AFF3: variants seen among roughly 807,000 people sequenced by gnomAD.
AFF3 encodes ALF transcription elongation factor 3.
Under a neutral mutation model 129.7 loss-of-function variants are expected in AFF3, and 32 were observed. The ratio of observed to expected loss-of-function variants is 0.25; its 90% confidence interval spans 0.19 to 0.33. The LOEUF (loss-of-function observed/expected upper bound fraction) is 0.33. AFF3 is among the 10% of genes least tolerant of loss of function. The pLI is 1.00. For synonymous variants in AFF3, 644 were observed against 635.4 expected (o/e 1.01, Z -0.20); for missense variants, 1,373 against 1,592.0 (o/e 0.86, Z 2.34).
At chr2:99,654,599 C>A (rs1314722825) in intron 12 of AFF3, among the ~76,000 whole-genome samples, 1 of 152,220 alleles carries the variant, frequency 6.6e-6, no homozygotes, top group Non-Finnish European at 1.5e-5. Flanking sequence ...ATATTTTTCT[C>A]TTCCTAAATC....
intron 13 of AFF3, among the ~76,000 whole-genome samples, chr2:99,647,340 G>A (rs554707256): frequency 5.3e-5 from 8 of 152,272 alleles, no homozygotes; most frequent in African/African-American, 1.7e-4. Context: ...ACAAGATCAC[G>A]TCCTTTGCAG....
chr2:100,111,996 A>C (rs1573451845), intron 2 of AFF3, among the ~76,000 whole-genome samples: 1 of 152,292 alleles, frequency 6.6e-6, no homozygotes, highest in African/African-American at 2.4e-5. Flanking sequence ...TCTTCCTTAT[A>C]TTTATGGATC....
rs544773664 is a variant in AFF3 at position 99,979,075 on chromosome 2, G to A, written c.873+27557C>T. Reference sequence around the variant, plus strand: ...CAATAGAATAGTCTGTTGAAGATCTGGAAGTATATAAATAGGGCATATTGT... The same window carrying A: ...CAATAGAATAGTCTGTTGAAGATCTAGAAGTATATAAATAGGGCATATTGT... On this transcript the variant is annotated intron_variant, in intron 7 of 24. Transcript: ENST00000672756. Among the ~76,000 whole-genome samples the A allele has an allele frequency of 5.4e-3, 718 of 132,076 alleles. 4 individuals are homozygous for A. Among genetic ancestry groups the A allele is most frequent in the Middle Eastern group, 0.011 (3 of 278 alleles). The allele number at this position is 132,076 out of a possible 152,430, so 86.6% of individuals were successfully genotyped here. A position where few individuals can be genotyped will look rare whatever the true frequency, so the allele number is the denominator to read the frequency against.
chr2:99,652,137 G>C (rs1685317189), intron 12 of AFF3, among the ~76,000 whole-genome samples: 1 of 152,146 alleles, frequency 6.6e-6, no homozygotes. Flanking sequence ...AATCAGTCAG[G>C]AAAGCCTTCC....
chr2:100,080,533 A>T (rs369147251), intron 4 of AFF3, among the ~76,000 whole-genome samples: 17 of 152,268 alleles, frequency 1.1e-4, no homozygotes, highest in African/African-American at 4.1e-4. Context: ...CAAGAGGCAA[A>T]ATGAAACCTA....
At chr2:99,845,295 G>A (rs894398553) in intron 7 of AFF3, among the ~76,000 whole-genome samples, 3 of 152,150 alleles carry the variant, frequency 2.0e-5, no homozygotes, top group Non-Finnish European at 2.9e-5. Flanking sequence ...CTAGGACAAG[G>A]TATTTCAATT....
chr2:99,597,768 G>A (rs1035583443), intron 14 of AFF3, among the ~76,000 whole-genome samples: 1 of 152,254 alleles, frequency 6.6e-6, no homozygotes, highest in African/African-American at 2.4e-5. Context: ...CGCCTCCTGA[G>A]CCGTCCATCC....
intron 11 of AFF3, among the ~76,000 whole-genome samples, chr2:99,699,045 C>G (rs1676579034): frequency 6.6e-6 from 1 of 152,184 alleles, no homozygotes; most frequent in South Asian, 2.1e-4. Flanking sequence ...ACTCAGAATG[C>G]CAGTTCCTTA....
rs143595247 is a variant in AFF3 at position 99,888,353 on chromosome 2, T to G, written c.874-50829A>C. Among the ~76,000 whole-genome samples the G allele has an allele frequency of 7.3e-3, 1,105 of 152,342 alleles. 6 individuals carry two copies. Among genetic ancestry groups the G allele is most frequent in the Non-Finnish European group, 9.4e-3 (641 of 68,036 alleles). On this transcript the variant is annotated intron_variant, in intron 7 of 24. Transcript: ENST00000672756. The stretch of plus-strand genomic sequence containing the variant: ...ACTGTTAATTAAACAGGAGCTTCAG[T>G]ATACATATAATGTTTGAACTTTGTC...
At chr2:99,996,629 C>T (rs537727389) in intron 7 of AFF3, among the ~76,000 whole-genome samples, 1 of 151,596 alleles carries the variant, frequency 6.6e-6, no homozygotes, top group African/African-American at 2.4e-5. Context: ...ATCCGCCCGC[C>T]TCAGCCTCCC....
chr2:99,797,802 T>C (rs887930115), intron 8 of AFF3, among the ~76,000 whole-genome samples: 3 of 152,030 alleles, frequency 2.0e-5, no homozygotes, highest in African/African-American at 4.8e-5. Flanking sequence ...AAAATATATA[T>C]ATGACAAAAA....
At chr2:99,914,751 T>C (rs1695347859) in intron 7 of AFF3, among the ~76,000 whole-genome samples, 1 of 149,504 alleles carries the variant, frequency 6.7e-6, no homozygotes, top group Non-Finnish European at 1.5e-5. Context: ...CCATCTCTAC[T>C]AAAAATACAA....
chr2:99,672,617 G>A, intron 11 of AFF3, 28 bp from the exon 12 acceptor site: 1 of 1,609,768 alleles, frequency 6.2e-7, no homozygotes, highest in Non-Finnish European at 8.5e-7. Flanking sequence ...GAGGTACAAA[G>A]AGGTACAGAT....
rs1674216699 is a variant in AFF3, at chr2:99,548,898, A to C, written c.*2576T>G. ...AAACTGCTGTACCAACGTGCTCCAC[A>C]CGTGCTCCACAGATGAAACAAGACA... On this transcript the variant is annotated 3_prime_UTR_variant, in exon 25 of 25. Coordinates refer to ENST00000672756, the MANE Select transcript of AFF3 (RefSeq NM_001386135.1). 4.4e-6 allele frequency: 1 copy of C among 225,648 alleles called. No individual in the cohort carries two copies. The highest frequency in any genetic ancestry group is 2.6e-5 in the African/African-American group (1 of 38,748). The allele number at this position is 225,648 out of a possible 1,614,324, so 14.0% of individuals were successfully genotyped here. A position where few individuals can be genotyped will look rare whatever the true frequency, so the allele number is the denominator to read the frequency against.
intron 4 of AFF3, among the ~76,000 whole-genome samples, chr2:100,078,859 A>G (rs925433285): frequency 6.6e-6 from 1 of 152,126 alleles, no homozygotes; most frequent in Non-Finnish European, 1.5e-5. Context: ...TACTTAATAC[A>G]ATGTAAATGC....
chr2:99,759,727 C>T (rs761624446), intron 8 of AFF3, among the ~76,000 whole-genome samples: 3 of 152,078 alleles, frequency 2.0e-5, no homozygotes, highest in Admixed American at 1.3e-4. Context: ...AATGCAAATA[C>T]AAAATATGTA....
Position 99,763,891 on chromosome 2 carries a change from G to A in AFF3, c.922-11590C>T, listed in dbSNP as rs547138130. ...TACACGTGTTTTCTGGTCTTATACC[G>A]ACCCACTGGATGACAGGATCTCAGA... On this transcript the variant is annotated intron_variant, in intron 8 of 24. Coordinates refer to ENST00000672756, the MANE Select transcript of AFF3 (RefSeq NM_001386135.1). 2.2e-3 allele frequency among the ~76,000 whole-genome samples: 340 copies of A among 152,268 alleles called. 2 individuals are homozygous for A. The highest frequency in any genetic ancestry group is 7.7e-3 in the African/African-American group (319 of 41,552).
At chr2:99,835,067 C>T (rs1688761639) in intron 8 of AFF3, among the ~76,000 whole-genome samples, 1 of 151,992 alleles carries the variant, frequency 6.6e-6, no homozygotes, top group African/African-American at 2.4e-5. Context: ...TTCCCGCAAA[C>T]CAGGATCTTC....
chr2:99,603,327 A>C (rs761328586), intron 13 of AFF3, among the ~76,000 whole-genome samples: 4 of 152,340 alleles, frequency 2.6e-5, no homozygotes, highest in Middle Eastern at 3.4e-3. Flanking sequence ...GAACATGAAC[A>C]TCTGGGATCC....
Sources: gnomAD v4.1 joint callset for allele counts (sites outside exome capture counted in the v4.1 genomes callset) on GRCh38, gnomAD v4.1.1 for gene constraint, MANE v1.5 for transcripts, NCBI Gene and HGNC (gene_info 2026-07-23, HGNC 2026-07-21) for gene names.